CABIN1: variants seen among roughly 807,000 people sequenced by gnomAD.
The protein encoded by CABIN1 is calcineurin binding protein 1, also known as calcineurin-binding protein cabin-1.
In CABIN1, 133 loss-of-function variants were observed where a neutral mutation model predicts 227.7. The ratio of observed to expected loss-of-function variants is 0.58; its 90% confidence interval spans 0.51 to 0.67. CABIN1 has a LOEUF of 0.67. CABIN1 is among the 30% of genes least tolerant of loss of function. The pLI is 0.00. For synonymous variants in CABIN1, 1,086 were observed against 1,155.1 expected, an observed-to-expected ratio of 0.94 and a Z score of 1.21; for missense variants, 2,408 against 2,852.5, an observed-to-expected ratio of 0.84 and a Z score of 3.55.
intron 29 of CABIN1, among the ~76,000 whole-genome samples, chr22:24,159,811 C>T (rs1009445099): frequency 6.6e-6 from 1 of 152,164 alleles, no homozygotes; most frequent in Non-Finnish European, 1.5e-5. Context: ...CCTGAGGCAC[C>T]CATGGTGCTG....
chr22:24,067,749 G>C (rs141766818), intron 16 of CABIN1, among the ~76,000 whole-genome samples: 127 of 152,240 alleles, frequency 8.3e-4, no homozygotes, highest in South Asian at 8.3e-3. Context: ...TCTGAGCTCA[G>C]TTCCTCATTT....
chr22:24,044,707 T>C (rs2037708158), intron 6 of CABIN1, among the ~76,000 whole-genome samples: 1 of 152,226 alleles, frequency 6.6e-6, no homozygotes, highest in African/African-American at 2.4e-5. Flanking sequence ...CACTAGAACA[T>C]AGACGTAATT....
intron 6 of CABIN1, among the ~76,000 whole-genome samples, chr22:24,046,055 T>G (rs1427756972): frequency 6.6e-6 from 1 of 152,144 alleles, no homozygotes; most frequent in Non-Finnish European, 1.5e-5. Context: ...AAGGCAACCT[T>G]GATTTCTCCT....
rs149291554 is a variant in CABIN1, at chr22:24,085,053, C to T, written c.3165C>T (p.Asn1055=). 24 of 1,614,080 alleles carry T rather than the reference C, an allele frequency of 1.5e-5. No individual in the cohort carries two copies. The highest frequency in any genetic ancestry group is 5.3e-5 in the African/African-American group (4 of 74,922). Residue 1055 remains asparagine (N), a synonymous_variant, in exon 22 of 37, where the codon AAC becomes AAT. Coordinates refer to ENST00000263119, the MANE Select transcript of CABIN1 (RefSeq NM_012295.4). ...CTGACCCCTCCCCTCCAGTGGTGAACGAGCTTTACTACCTCCTGGCTGATT... is the reference window on the plus strand; with the variant it reads ...CTGACCCCTCCCCTCCAGTGGTGAATGAGCTTTACTACCTCCTGGCTGATT... The part of the protein sequence containing the change: ...EGADPSPPVV[N]ELYYLLADYH...
chr22:24,113,552 CCTTCT>C lies in CABIN1; in HGVS notation c.4118-12_4118-8del. ...GTTAATGCTCTCGCCCTCTCTTCCT[CCTTCT>C]CCCCTCAGACCGAAGCCAGGACAGC... On this transcript the variant is annotated splice_polypyrimidine_tract_variant and intron_variant, in intron 26 of 36. Transcript: ENST00000263119. 1 of 1,613,616 alleles carries C rather than the reference CCTTCT, an allele frequency of 6.2e-7. No homozygotes were observed. Among genetic ancestry groups the C allele is most frequent in the East Asian group, 2.2e-5 (1 of 44,878 alleles).
At chr22:24,162,713 G>C (rs149259557) in intron 29 of CABIN1, among the ~76,000 whole-genome samples, 2 of 152,212 alleles carry the variant, frequency 1.3e-5, no homozygotes, top group African/African-American at 4.8e-5. Flanking sequence ...GGTGTCTATG[G>C]TTCCCTTCTG....
chr22:24,089,132 C>T (rs1420951488), intron 23 of CABIN1, among the ~76,000 whole-genome samples: 2 of 152,182 alleles, frequency 1.3e-5, no homozygotes, highest in African/African-American at 4.8e-5. Context: ...GGGATTTTCT[C>T]CCTAATCTCC....
intron 19 of CABIN1, among the ~76,000 whole-genome samples, chr22:24,080,382 A>G (rs1179403607): frequency 6.6e-6 from 1 of 152,222 alleles, no homozygotes; most frequent in Non-Finnish European, 1.5e-5. Flanking sequence ...GTACCATTGT[A>G]CGATCACTCT....
In CABIN1 at chr22:24,067,180, A is replaced by G. The variant is rs759900920; in HGVS notation, c.2231A>G (p.Gln744Arg). 14 of 1,614,244 alleles carry G rather than the reference A, an allele frequency of 8.7e-6. No individual in the cohort carries two copies. The highest frequency in any genetic ancestry group is 6.7e-5 in the East Asian group (3 of 44,892). The change falls in exon 16 of 37, where the codon CAG becomes CGG. Residue 744 changes from glutamine (Q) to arginine (R), a missense_variant and splice_region_variant. Coordinates refer to ENST00000263119, the MANE Select transcript of CABIN1 (RefSeq NM_012295.4). The stretch of plus-strand genomic sequence containing the variant: ...AGGCCAGCCCAGCTGCTTCTTCTGC[A>G]GGTGTGTGCTGCCAGTGTCCCTCAC... The part of the protein sequence containing the change: ...PERPAQLLLL[Q>R]DSLLRLKDYR...
chr22:24,104,350 G>A (rs970069904), intron 26 of CABIN1, among the ~76,000 whole-genome samples: 2 of 152,192 alleles, frequency 1.3e-5, no homozygotes, highest in African/African-American at 4.8e-5. Context: ...AAAGCCTCCC[G>A]AGGCCTCCCT....
chr22:24,041,359 G>A (rs1470044046), intron 5 of CABIN1, 86 bp downstream of exon 5: 50 of 1,560,152 alleles, frequency 3.2e-5, no homozygotes, highest in Non-Finnish European at 3.5e-6. Context: ...GGGCCAAAAA[G>A]AAGAGTTTGT....
chr22:24,024,754 C>T (rs2035963899), intron 1 of CABIN1, among the ~76,000 whole-genome samples: 1 of 151,838 alleles, frequency 6.6e-6, no homozygotes, highest in African/African-American at 2.4e-5. Context: ...ATTGCCTTTC[C>T]TTCACATTCG....
At position 24,111,215 on chromosome 22, in the gene CABIN1, C is replaced by T. The variant is rs1473085213; in HGVS notation, c.4118-2351C>T. ...CTGACCTACCAACATCATAGTTTAG[C>T]CCAGCCTCATCTAAACATGCTCAGA... On this transcript the variant is annotated intron_variant, in intron 26 of 36. Coordinates refer to ENST00000263119, the MANE Select transcript of CABIN1 (RefSeq NM_012295.4). Among the ~76,000 whole-genome samples the T allele has an allele frequency of 3.3e-5, 5 of 152,192 alleles. No homozygotes were observed. In the South Asian group the frequency reaches 1.0e-3, roughly 31 times the overall value.
chr22:24,023,830 C>T (rs550990616), intron 1 of CABIN1, among the ~76,000 whole-genome samples: 259 of 151,724 alleles, frequency 1.7e-3, no homozygotes, highest in Non-Finnish European at 3.3e-3. Context: ...GCCTCCCGGG[C>T]CCAAGCAGTT....
chr22:24,177,999 T>C lies in CABIN1; in HGVS notation c.6520-54T>C, dbSNP rs2047213691. ...GCAGGGGTGAAGGTGGCAGAGGGGCTTGGGGCAGAGCCCAGCCATCCTTGA... is the reference window on the plus strand; with the variant it reads ...GCAGGGGTGAAGGTGGCAGAGGGGCCTGGGGCAGAGCCCAGCCATCCTTGA... On this transcript the variant is annotated intron_variant, in intron 36 of 36. Transcript: ENST00000263119. The surrounding 1 kb of genome is among the most constrained non-coding windows in gnomAD (Gnocchi z 4.4). The C allele has an allele frequency of 2.5e-6, 4 of 1,609,846 alleles. No individual in the cohort carries two copies. Among genetic ancestry groups the C allele is most frequent in the East Asian group, 2.2e-5 (1 of 44,846 alleles).
At chr22:24,020,836 T>TTGTGTG (rs71184941) in intron 1 of CABIN1, among the ~76,000 whole-genome samples, 3 of 136,910 alleles carry the variant, frequency 2.2e-5, no homozygotes, top group Admixed American at 7.3e-5. Context: ...TGAGCAGTTT[T>TTGTGTG]TGTGTGTGTG....
Position 24,054,951 on chromosome 22 carries a change from C to A in CABIN1, c.885C>A (p.Gly295=), listed in dbSNP as rs201148903. ...GTGAGCCCCCACGTCCCAGCCTTGG[C>A]AAAAGGATTGATTTGTCGGACTACC... ...TTCEPPRPSL[G]KRIDLSDYQD... Residue 295 remains glycine (G), a synonymous_variant, in exon 9 of 37, where the codon GGC becomes GGA. Transcript: ENST00000263119. The A allele has an allele frequency of 1.9e-6, 3 of 1,614,230 alleles. No homozygotes were observed. The highest frequency in any genetic ancestry group is 2.5e-6 in the Non-Finnish European group (3 of 1,180,042).
intron 29 of CABIN1, among the ~76,000 whole-genome samples, chr22:24,153,407 C>T (rs1389356751): frequency 1.3e-5 from 2 of 152,256 alleles, no homozygotes; most frequent in African/African-American, 4.8e-5. Flanking sequence ...AATTAGGTCC[C>T]ACAGGGTTTT....
intron 35 of CABIN1, among the ~76,000 whole-genome samples, chr22:24,176,703 G>A (rs985375690): frequency 6.6e-6 from 1 of 152,168 alleles, no homozygotes; most frequent in African/African-American, 2.4e-5. Flanking sequence ...AGGTTGGGCT[G>A]GGCCAAGCAG....
Sources: allele counts gnomAD v4.1 joint callset (sites outside exome capture counted in the v4.1 genomes callset), GRCh38; gene constraint gnomAD v4.1.1; non-coding constraint Gnocchi (gnomAD v3.1); transcripts MANE v1.5; gene names NCBI Gene and HGNC (gene_info 2026-07-23, HGNC 2026-07-21).